Variants in ZNF215 observed in about 807,000 individuals in gnomAD.
ZNF215 encodes the protein zinc finger protein 215.
In ZNF215, 24 loss-of-function variants were observed where a neutral mutation model predicts 27.2. That is an observed-to-expected ratio of 0.88 (90% CI 0.64 to 1.24). The LOEUF is 1.24. ZNF215 is among the 50% of genes most tolerant of loss of function. The pLI is 0.00. For synonymous variants in ZNF215, 210 were observed against 204.0 expected, an observed-to-expected ratio of 1.03 and a Z score of -0.25; for missense variants, 675 against 605.7, an observed-to-expected ratio of 1.11 and a Z score of -1.20.
intron 3 of ZNF215, among the ~76,000 whole-genome samples, chr11:6,935,299 G>C (rs1056311428): frequency 1.3e-4 from 20 of 152,222 alleles, no homozygotes; most frequent in African/African-American, 3.9e-4. Flanking sequence ...ACACAAGAAA[G>C]AAGTGAAGAA....
intron 5 of ZNF215, among the ~76,000 whole-genome samples, chr11:6,964,945 AAAC>A (rs1564971343): frequency 5.9e-5 from 9 of 152,106 alleles, no homozygotes. Context: ...ATTTGTATTT[AAAC>A]AAAGTTTTAC....
intron 2 of ZNF215, among the ~76,000 whole-genome samples, chr11:6,930,210 C>T (rs963263103): frequency 1.3e-5 from 2 of 151,822 alleles, no homozygotes; most frequent in Non-Finnish European, 2.9e-5. Flanking sequence ...TCCAAGAAAT[C>T]CTGGTTCCTA....
Position 6,932,152 on chromosome 11 carries a change from C to T in ZNF215, c.-121C>T. The T allele has an allele frequency of 7.9e-7, 1 of 1,269,348 alleles. No homozygotes were observed. The highest frequency in any genetic ancestry group is 1.1e-6 in the Non-Finnish European group (1 of 930,984). The allele number at this position is 1,269,348 out of a possible 1,614,324, so 78.6% of individuals were successfully genotyped here. A position where few individuals can be genotyped will look rare whatever the true frequency, so the allele number is the denominator to read the frequency against. On this transcript the variant is annotated 5_prime_UTR_variant, in exon 3 of 7. Coordinates refer to ENST00000278319, the MANE Select transcript of ZNF215 (RefSeq NM_013250.4). ...AAAGTTTCTGGAACTTTCCTCCTTA[C>T]CGTGAAATAACTTGGCTTAAATCAC...
At chr11:6,937,796 A>G (rs1315786879) in intron 3 of ZNF215, among the ~76,000 whole-genome samples, 1 of 151,914 alleles carries the variant, frequency 6.6e-6, no homozygotes, top group Non-Finnish European at 1.5e-5. Flanking sequence ...TGATTTCCAT[A>G]TGCAAAAGAT....
chr11:6,932,163 C>A lies in ZNF215; in HGVS notation c.-110C>A. The A allele has an allele frequency of 7.4e-7, 1 of 1,353,952 alleles. No individual in the cohort carries two copies. The highest frequency in any genetic ancestry group is 1.5e-5 in the African/African-American group (1 of 68,820). 83.9% of individuals were successfully genotyped at this position (1,353,952 alleles called of 1,614,324 possible). A position where few individuals can be genotyped will look rare whatever the true frequency, so the allele number is the denominator to read the frequency against. On this transcript the variant is annotated 5_prime_UTR_variant, in exon 3 of 7. Transcript: ENST00000278319. ...AACTTTCCTCCTTACCGTGAAATAA[C>A]TTGGCTTAAATCACACTGCATATAG...
chr11:6,962,526 C>T (rs1850537725), downstream of ZNF215, among the ~76,000 whole-genome samples: 1 of 152,088 alleles, frequency 6.6e-6, no homozygotes, highest in South Asian at 2.1e-4. Flanking sequence ...AGTCCAACTC[C>T]TTCTTGGACT....
downstream of ZNF215, among the ~76,000 whole-genome samples, chr11:6,993,331 T>G (rs1249891195): frequency 6.6e-6 from 1 of 152,162 alleles, no homozygotes; most frequent in Admixed American, 6.5e-5. Flanking sequence ...TGGGACCTCT[T>G]TTTCTGGCAA....
intron 6 of ZNF215, among the ~76,000 whole-genome samples, chr11:6,954,689 A>C (rs1850250907): frequency 6.6e-6 from 1 of 152,288 alleles, no homozygotes; most frequent in Middle Eastern, 3.4e-3. Flanking sequence ...GCGCTTCCCG[A>C]GTGAAGCAAT....
downstream of ZNF215, among the ~76,000 whole-genome samples, chr11:6,987,308 G>A (rs1851068844): frequency 6.6e-6 from 1 of 152,062 alleles, no homozygotes; most frequent in Non-Finnish European, 1.5e-5. Flanking sequence ...TTTATACCAC[G>A]GAGCTAAACA....
chr11:6,945,927 C>T (rs1849798680), intron 6 of ZNF215, among the ~76,000 whole-genome samples: 1 of 152,170 alleles, frequency 6.6e-6, no homozygotes, highest in Non-Finnish European at 1.5e-5. Flanking sequence ...TCTGGGATAT[C>T]TTAAAGATGC....
At chr11:6,944,208 G>T (rs189309551) in intron 6 of ZNF215, among the ~76,000 whole-genome samples, 1 of 151,946 alleles carries the variant, frequency 6.6e-6, no homozygotes, top group African/African-American at 2.4e-5. Flanking sequence ...CCCGGGAGGC[G>T]GAGCTTGCAG....
At chr11:6,935,912 A>G (rs746627084) in intron 3 of ZNF215, among the ~76,000 whole-genome samples, 1 of 152,178 alleles carries the variant, frequency 6.6e-6, no homozygotes, top group Non-Finnish European at 1.5e-5. Flanking sequence ...TGGATAATTC[A>G]CAGATAAGTG....
chr11:6,975,234 G>A (rs1364317759), intron 5 of ZNF215, among the ~76,000 whole-genome samples: 1 of 152,022 alleles, frequency 6.6e-6, no homozygotes, highest in Non-Finnish European at 1.5e-5. Flanking sequence ...TTGCTTCCCA[G>A]GGATGAAGCC....
intron 3 of ZNF215, among the ~76,000 whole-genome samples, chr11:6,940,091 A>T (rs1849583500): frequency 6.6e-6 from 1 of 151,670 alleles, no homozygotes; most frequent in Non-Finnish European, 1.5e-5. Context: ...ACATTATCCA[A>T]GTATGGTGGC....
At position 6,975,455 on chromosome 11, in the gene ZNF215, G is replaced by T. The variant is rs1039428275; in HGVS notation, c.806-8674G>T. On this transcript the variant is annotated intron_variant, in intron 5 of 5. Coordinates refer to the ZNF215 transcript ENST00000529903. The stretch of plus-strand genomic sequence containing the variant: ...TACAGTCCCATTGTGCTATCCAATA[G>T]TAGGTCATATTATTCTATTTTTTTT... 5.3e-5 allele frequency among the ~76,000 whole-genome samples: 8 copies of T among 151,934 alleles called. No individual in the cohort carries two copies. The East Asian group carries it at 1.3e-3, about 26-fold the overall frequency.
rs374651156 is a variant in ZNF215, at chr11:6,932,488, C to T, written c.216C>T (p.Leu72=). The part of the protein sequence containing the change: ...PHEALSQLWE[L]CLQWLRPEIH... The stretch of plus-strand genomic sequence containing the variant: ...AAGCCCTGAGCCAACTCTGGGAGCT[C>T]TGTCTTCAATGGCTGAGACCAGAGA... Residue 72 remains leucine (L), a synonymous_variant, in exon 3 of 7, where the codon CTC becomes CTT. Coordinates refer to ENST00000278319, the MANE Select transcript of ZNF215 (RefSeq NM_013250.4). 32 of 1,614,016 alleles carry T rather than the reference C, an allele frequency of 2.0e-5. No homozygotes were observed. The highest frequency in any genetic ancestry group is 2.6e-5 in the Non-Finnish European group (31 of 1,180,032).
intron 5 of ZNF215, among the ~76,000 whole-genome samples, chr11:6,977,324 G>T (rs1225318392): frequency 1.3e-5 from 2 of 152,002 alleles, no homozygotes; most frequent in Non-Finnish European, 2.9e-5. Context: ...TGATCCCTTT[G>T]TCCAGCATAT....
chr11:6,979,502 C>T (rs1006281739), intron 5 of ZNF215, among the ~76,000 whole-genome samples: 3 of 151,856 alleles, frequency 2.0e-5, no homozygotes, highest in African/African-American at 4.8e-5. Flanking sequence ...TCTGTGTAAG[C>T]AGGAAAGACA....
At chr11:6,973,950 T>G (rs924306779) in intron 5 of ZNF215, among the ~76,000 whole-genome samples, 1 of 152,226 alleles carries the variant, frequency 6.6e-6, no homozygotes, top group African/African-American at 2.4e-5. Flanking sequence ...TTTGGTGTTT[T>G]AGACATGAAG....
Sources: gnomAD v4.1 joint callset for allele counts (sites outside exome capture counted in the v4.1 genomes callset) on GRCh38, gnomAD v4.1.1 for gene constraint, MANE v1.5 for transcripts, NCBI Gene and HGNC (gene_info 2026-07-23, HGNC 2026-07-21) for gene names.